The following POGZ variants were observed in gnomAD, a reference collection of about 807,000 sequenced individuals.
POGZ encodes the protein pogo transposable element with ZNF domain.
Under a neutral mutation model 134.6 loss-of-function variants are expected in POGZ, and 17 were observed. The ratio of observed to expected loss-of-function variants is 0.13; its 90% CI spans 0.09 to 0.19. POGZ has a LOEUF of 0.19. Among genes scored for constraint, POGZ ranks in the 10% least tolerant of loss-of-function variants. POGZ has a pLI of 1.00. For missense variants in POGZ, 1,306 were observed against 1,769.7 expected, an observed-to-expected ratio of 0.74 and a Z score of 4.70; for synonymous variants, 693 against 657.1, an observed-to-expected ratio of 1.05 and a Z score of -0.84.
intron 10 of POGZ, among the ~76,000 whole-genome samples, chr1:151,422,275 T>C (rs1396461010): frequency 6.6e-6 from 1 of 152,232 alleles, no homozygotes; most frequent in African/African-American, 2.4e-5. Context: ...CTATCAATGA[T>C]ATCTTAAAAT....
chr1:151,415,387 C>T (rs1052319131), intron 10 of POGZ, among the ~76,000 whole-genome samples: 2 of 152,016 alleles, frequency 1.3e-5, no homozygotes, highest in Non-Finnish European at 1.5e-5. Context: ...AGAAATGGGC[C>T]GGGTGTGGTG....
rs1452592216 is a variant in POGZ, at chr1:151,406,266, G to T, written c.2769C>A (p.His923Gln). Reference sequence around the variant, plus strand: ...GCGGTGGAAGGGCTAAAGCCTGCGGGTGAGTGGGGGTTGGTGGTGGGGTTG... The same window carrying T: ...GCGGTGGAAGGGCTAAAGCCTGCGGTTGAGTGGGGGTTGGTGGTGGGGTTG... ...STATPPPTPT[H>Q]PQALALPPLA... The change falls in exon 19 of 19, where the codon CAC (histidine) becomes CAA (glutamine). Residue 923 changes from histidine (H) to glutamine (Q), a missense_variant. By Grantham distance (24) the His-to-Gln change is conservative. Coordinates refer to ENST00000271715, the MANE Select transcript of POGZ (RefSeq NM_015100.4). 2 of 1,613,178 alleles carry T rather than the reference G, an allele frequency of 1.2e-6. No homozygotes were observed. The highest frequency in any genetic ancestry group is 1.7e-6 in the Non-Finnish European group (2 of 1,179,352).
At chr1:151,454,406 T>C (rs903484669) in intron 1 of POGZ, among the ~76,000 whole-genome samples, 6 of 152,204 alleles carry the variant, frequency 3.9e-5, no homozygotes, top group Non-Finnish European at 8.8e-5. Context: ...TAAGCTTTTA[T>C]TTATCCAGTC....
chr1:151,437,299 G>C (rs904548940), intron 3 of POGZ, among the ~76,000 whole-genome samples: 3 of 151,220 alleles, frequency 2.0e-5, no homozygotes, highest in Non-Finnish European at 4.4e-5. Flanking sequence ...CTTTAATGTA[G>C]TTCTATTTAT....
rs1477122463 is a variant in POGZ at position 151,408,145 on chromosome 1, C to T, written c.2330G>A (p.Arg777His). 6 of 1,612,886 alleles carry T rather than the reference C, an allele frequency of 3.7e-6. No homozygotes were observed. Among genetic ancestry groups the T allele is most frequent in the East Asian group, 2.2e-5 (1 of 44,864 alleles). The change falls in exon 15 of 19, where the codon CGC becomes CAC. Residue 777 changes from arginine (R) to histidine (H), a missense_variant. By Grantham distance (29) the Arg-to-His change is conservative. This residue lies in a region of POGZ where 34 missense variants were observed against 95.5 expected (regional missense o/e 0.36). Coordinates refer to ENST00000271715, the MANE Select transcript of POGZ (RefSeq NM_015100.4). ...AGCTCGAGAACAGCAGGTGCTATAG[C>T]GACACAGAGAGCAGTGTACGTAAGT... ...FPTYVHCSLC[R>H]YSTCCSRAYA...
intron 3 of POGZ, among the ~76,000 whole-genome samples, chr1:151,435,780 C>T (rs1230119897): frequency 6.6e-6 from 1 of 151,992 alleles, no homozygotes; most frequent in African/African-American, 2.4e-5. Flanking sequence ...CAGGTGTAAG[C>T]CACACACCTG....
chr1:151,429,754 A>G, intron 4 of POGZ, 43 bp from the exon 5 acceptor site: 1 of 1,129,982 alleles, frequency 8.8e-7, no homozygotes, highest in South Asian at 1.3e-5. Context: ...GAGACCAATT[A>G]ACACTGACAA....
rs372572651 is a variant in POGZ, at chr1:151,405,681, G to A, written c.3354C>T (p.Pro1118=). The part of the protein sequence containing the change: ...VQRQIHNQDL[P]LSMIVAIDEI... ...CATCAATAGCCACAATCATAGACAA[G>A]GGTAAGTCCTGGTTGTGAATCTGCC... Residue 1118 remains proline (P), a synonymous_variant, in exon 19 of 19, where the codon CCC becomes CCT. Transcript: ENST00000271715. This position sits in a 1 kb window ranked among gnomAD's most constrained non-coding sequence, Gnocchi z 4.9. The A allele has an allele frequency of 1.2e-6, 2 of 1,614,052 alleles. No homozygotes were observed. Among genetic ancestry groups the A allele is most frequent in the African/African-American group, 2.7e-5 (2 of 74,946 alleles).
intron 1 of POGZ, among the ~76,000 whole-genome samples, chr1:151,446,799 TA>T (rs1250083058): frequency 6.8e-6 from 1 of 147,196 alleles, no homozygotes; most frequent in Non-Finnish European, 1.5e-5. Flanking sequence ...GGATGGGCAG[TA>T]AATTTGGGAA....
At chr1:151,444,361 G>A (rs1395823615) in intron 1 of POGZ, among the ~76,000 whole-genome samples, 1 of 152,126 alleles carries the variant, frequency 6.6e-6, no homozygotes, top group African/African-American at 2.4e-5. Context: ...ACATGCCTTT[G>A]TTTTCCAGTC....
intron 1 of POGZ, among the ~76,000 whole-genome samples, chr1:151,448,113 T>TA (rs1366102058): frequency 2.0e-5 from 3 of 152,206 alleles, no homozygotes; most frequent in Non-Finnish European, 4.4e-5. Flanking sequence ...TCTTCAACTT[T>TA]GCTCTTACGT....
chr1:151,405,223 G>C lies in POGZ; in HGVS notation c.3812C>G (p.Thr1271Ser). ...IQPLDVCIKR[T>S]VKNFLHKKWK... ...TTTTTTATGCAGGAAGTTCTTGACAGTTCTTTTGATGCATACATCTAATGG... is the reference window on the plus strand; with the variant it reads ...TTTTTTATGCAGGAAGTTCTTGACACTTCTTTTGATGCATACATCTAATGG... The change falls in exon 19 of 19, where the codon ACT (threonine) becomes AGT (serine). Residue 1271 changes from threonine to serine, a missense_variant. Coordinates refer to ENST00000271715, the MANE Select transcript of POGZ (RefSeq NM_015100.4). The surrounding 1 kb of genome is among the most constrained non-coding windows in gnomAD (Gnocchi z 4.9). The C allele has an allele frequency of 1.2e-6, 2 of 1,614,162 alleles. No individual in the cohort carries two copies. The highest frequency in any genetic ancestry group is 1.7e-6 in the Non-Finnish European group (2 of 1,179,984).
intron 10 of POGZ, among the ~76,000 whole-genome samples, chr1:151,413,063 C>A (rs1428274627): frequency 1.3e-5 from 2 of 151,112 alleles, no homozygotes; most frequent in African/African-American, 4.9e-5. Flanking sequence ...CCCAGCCTCC[C>A]AAAGTGCTGG....
At chr1:151,412,216 T>C in intron 11 of POGZ, 80 bp downstream of exon 11, 1 of 736,728 alleles carries the variant, frequency 1.4e-6, no homozygotes, top group Non-Finnish European at 2.4e-6. Context: ...CAGTAGGTGG[T>C]CAACAATATT....
intron 1 of POGZ, among the ~76,000 whole-genome samples, chr1:151,449,978 A>G (rs1405609486): frequency 6.8e-6 from 1 of 148,094 alleles, no homozygotes; most frequent in African/African-American, 2.5e-5. Context: ...AAATCCATAT[A>G]TATCTAGTCT....
At chr1:151,426,689 T>C (rs1203773178) in intron 7 of POGZ, 5 of 152,208 alleles carry the variant, frequency 3.3e-5, no homozygotes, top group Non-Finnish European at 7.3e-5. Flanking sequence ...AATTTACTCA[T>C]TTTTTCTTTT....
chr1:151,405,914 G>C lies in POGZ; in HGVS notation c.3121C>G (p.Gln1041Glu), dbSNP rs1557865787. 6.2e-7 allele frequency: 1 copy of C among 1,614,188 alleles called. No homozygotes were observed. The highest frequency in any genetic ancestry group is 1.7e-5 in the Admixed American group (1 of 60,024). Residue 1041 changes from glutamine (Q) to glutamate (E), a missense_variant, in exon 19 of 19, where the codon CAA becomes GAA. Physicochemically the swap from Gln to Glu is conservative, Grantham distance 29. This residue lies in a region of POGZ where 24 missense variants were observed against 69.6 expected (regional missense o/e 0.34). Coordinates refer to ENST00000271715, the MANE Select transcript of POGZ (RefSeq NM_015100.4). The surrounding 1 kb of genome is among the most constrained non-coding windows in gnomAD (Gnocchi z 4.9). ...LAEWVLTQRE[Q>E]QLPVNEETLF... is the part of the protein sequence containing the mutation. ...GTCTCCTCATTTACAGGTAGCTGTT[G>C]TTCGCGCTGGGTTAGCACCCACTCA...
At chr1:151,429,570 G>C (rs757868899) in intron 5 of POGZ, 33 bp downstream of exon 5, 1 of 1,140,362 alleles carries the variant, frequency 8.8e-7, no homozygotes. Context: ...CTGGATGCCA[G>C]TTTATTCCAA....
In POGZ at chr1:151,407,311, G is replaced by A; in HGVS notation, c.2376-20C>T. Reference sequence around the variant, plus strand: ...TGATTGCTGAGAAAGACAAAGAAGTGGTATGAGTTACGGAGTTCTGCTGGC... The same window carrying A: ...TGATTGCTGAGAAAGACAAAGAAGTAGTATGAGTTACGGAGTTCTGCTGGC... On this transcript the variant is annotated intron_variant, in intron 15 of 18. Transcript: ENST00000271715. The A allele has an allele frequency of 1.3e-6, 2 of 1,584,478 alleles. No individual in the cohort carries two copies. The highest frequency in any genetic ancestry group is 1.7e-6 in the Non-Finnish European group (2 of 1,158,876).
Sources: allele counts gnomAD v4.1 joint callset (sites outside exome capture counted in the v4.1 genomes callset), GRCh38; gene constraint gnomAD v4.1.1; regional missense constraint gnomAD v4.1.1; non-coding constraint Gnocchi (gnomAD v3.1); transcripts MANE v1.5; gene names NCBI Gene and HGNC (gene_info 2026-07-23, HGNC 2026-07-21).